The following CTTNBP2 variants were observed in gnomAD, a reference collection of about 807,000 sequenced individuals.
The protein encoded by CTTNBP2 is cortactin-binding protein 2.
A neutral mutation model predicts 156.9 loss-of-function variants in CTTNBP2; 108 were observed. The ratio of observed to expected loss-of-function variants is 0.69; its 90% CI spans 0.59 to 0.81. The LOEUF (loss-of-function observed/expected upper bound fraction) is 0.81, where lower values mean the gene tolerates loss of function less well. Among genes scored for constraint, CTTNBP2 ranks in the 30% least tolerant of loss-of-function variants. CTTNBP2 has a pLI of 0.00. For missense variants in CTTNBP2, 1,924 were observed against 2,035.4 expected, an observed-to-expected ratio of 0.95 and a Z score of 1.05; for synonymous variants, 767 against 751.8, an observed-to-expected ratio of 1.02 and a Z score of -0.33.
At chr7:117,743,901 G>T (rs565572621) in intron 14 of CTTNBP2, among the ~76,000 whole-genome samples, 28 of 151,810 alleles carry the variant, frequency 1.8e-4, no homozygotes, top group African/African-American at 6.5e-4. Flanking sequence ...GCCCAAGACT[G>T]GCCTGTGTAG....
intron 2 of CTTNBP2, among the ~76,000 whole-genome samples, chr7:117,818,259 A>T (rs781258154): frequency 2.6e-5 from 4 of 152,190 alleles, no homozygotes; most frequent in African/African-American, 4.8e-5. Context: ...ATGCTTTCAC[A>T]AACCACTGGT....
At position 117,853,955 on chromosome 7, in the gene CTTNBP2, G is replaced by T. The variant is rs1803094714; in HGVS notation, c.189+7254C>A. 2.0e-5 allele frequency among the ~76,000 whole-genome samples: 3 copies of T among 152,060 alleles called. No individual in the cohort carries two copies. The South Asian group carries it at 6.2e-4, about 32-fold the overall frequency. ...TTGCATGGTATTCTATTTTTTGTTT[G>T]TTTTTTACTAATGGTAAATGTTTAT... On this transcript the variant is annotated intron_variant, in intron 2 of 22. Coordinates refer to ENST00000160373, the MANE Select transcript of CTTNBP2 (RefSeq NM_033427.3).
chr7:117,740,367 C>T (rs1351191866), intron 14 of CTTNBP2, among the ~76,000 whole-genome samples: 2 of 151,956 alleles, frequency 1.3e-5, no homozygotes, highest in African/African-American at 4.8e-5. Context: ...GTGCCTGTTC[C>T]CTGGCTTTCT....
intron 2 of CTTNBP2, among the ~76,000 whole-genome samples, chr7:117,842,668 T>C (rs944000353): frequency 1.3e-5 from 2 of 151,860 alleles, no homozygotes; most frequent in Admixed American, 1.3e-4. Context: ...AAGAAGAAAA[T>C]AGAGATAGAA....
intron 8 of CTTNBP2, among the ~76,000 whole-genome samples, chr7:117,768,287 T>C (rs1797608519): frequency 6.6e-6 from 1 of 151,830 alleles, no homozygotes; most frequent in Admixed American, 6.6e-5. Context: ...TCTGGCTGGG[T>C]GTGGTGGCTC....
rs557297020 is a variant in CTTNBP2, at chr7:117,755,413, T to C, written c.3348+1142A>G. The C allele has an allele frequency of 3.4e-3, 1,134 of 329,028 alleles. 4 individuals carry two copies. The highest frequency in any genetic ancestry group is 5.5e-3 in the Non-Finnish European group (902 of 165,334). 20.4% of individuals were successfully genotyped at this position (329,028 alleles called of 1,614,324 possible). A position where few individuals can be genotyped will look rare whatever the true frequency, so the allele number is the denominator to read the frequency against. On this transcript the variant is annotated intron_variant, in intron 12 of 22. Coordinates refer to ENST00000160373, the MANE Select transcript of CTTNBP2 (RefSeq NM_033427.3). ...CCAACTCATTTATTTAAAAAGGTCA[T>C]CGAAATTAAGGCAGCAAGCAAAATT...
At chr7:117,869,051 G>A (rs1804401556) in intron 1 of CTTNBP2, among the ~76,000 whole-genome samples, 1 of 152,282 alleles carries the variant, frequency 6.6e-6, no homozygotes, top group African/African-American at 2.4e-5. Flanking sequence ...ATTATTGGAA[G>A]GATGCAGGAT....
intron 18 of CTTNBP2, 72 bp from the exon 19 acceptor site, chr7:117,724,804 A>T: frequency 6.6e-7 from 1 of 1,519,198 alleles, no homozygotes; most frequent in Non-Finnish European, 9.0e-7. Context: ...TCCGTTTCTC[A>T]AAGATACGGA....
At chr7:117,785,998 T>G (rs920336936) in intron 4 of CTTNBP2, among the ~76,000 whole-genome samples, 1 of 152,228 alleles carries the variant, frequency 6.6e-6, no homozygotes, top group Non-Finnish European at 1.5e-5. Flanking sequence ...GCATAATTAT[T>G]CTAAGCATAT....
Position 117,792,218 on chromosome 7 carries a change from C to A in CTTNBP2, c.978G>T (p.Met326Ile), listed in dbSNP as rs142978813. Residue 326 changes from methionine (M) to isoleucine (I), a missense_variant, in exon 4 of 23, where the codon ATG becomes ATT. Physicochemically the swap from Met to Ile is conservative, Grantham distance 10 (BLOSUM62 1). Transcript: ENST00000160373. The surrounding 1 kb of genome is among the most constrained non-coding windows in gnomAD (Gnocchi z 4.2). ...ADHMKKLPLT[M>I]PVKPSTGSPL... Reference sequence around the variant, plus strand: ...GACTCCCTGTGGAAGGTTTTACAGGCATGGTTAAAGGCAACTTTTTCATGT... The same window carrying A: ...GACTCCCTGTGGAAGGTTTTACAGGAATGGTTAAAGGCAACTTTTTCATGT... 3.7e-6 allele frequency: 6 copies of A among 1,614,078 alleles called. No homozygotes were observed. The highest frequency in any genetic ancestry group is 5.1e-6 in the Non-Finnish European group (6 of 1,180,050).
chr7:117,714,640 G>GA (rs1464706060), intron 22 of CTTNBP2, among the ~76,000 whole-genome samples: 1 of 152,168 alleles, frequency 6.6e-6, no homozygotes, highest in African/African-American at 2.4e-5. Flanking sequence ...ATATCCACAT[G>GA]AAATAAAGTA....
intron 21 of CTTNBP2, among the ~76,000 whole-genome samples, 153 bp downstream of exon 21, chr7:117,719,339 TGATATTTAGGAA>T (rs1468144794): frequency 6.6e-6 from 1 of 152,220 alleles, no homozygotes; most frequent in East Asian, 1.9e-4. Context: ...ATTGTATAAA[TGATATTTAGGAA>T]GAAACGGCCT....
intron 20 of CTTNBP2, among the ~76,000 whole-genome samples, chr7:117,720,159 G>A (rs1376613623): frequency 2.0e-5 from 3 of 151,616 alleles, no homozygotes; most frequent in East Asian, 1.9e-4. Flanking sequence ...AGAAAATAGC[G>A]TGCCATGCAG....
intron 3 of CTTNBP2, among the ~76,000 whole-genome samples, chr7:117,804,880 G>A (rs2116933891): frequency 6.6e-6 from 1 of 152,276 alleles, no homozygotes; most frequent in East Asian, 1.9e-4. Context: ...GTTTACCTAT[G>A]TGACAAACCT....
chr7:117,868,318 T>C (rs1374291162), intron 1 of CTTNBP2, among the ~76,000 whole-genome samples: 1 of 152,230 alleles, frequency 6.6e-6, no homozygotes, highest in African/African-American at 2.4e-5. Flanking sequence ...ACGCAGGCCT[T>C]TGGAACCATC....
intron 7 of CTTNBP2, 103 bp from the exon 8 acceptor site, chr7:117,777,868 G>A (rs759989650): frequency 1.7e-5 from 20 of 1,159,518 alleles, no homozygotes; most frequent in Middle Eastern, 4.5e-4. Context: ...ATGGACCACT[G>A]AGCTGGGAAA....
intron 4 of CTTNBP2, among the ~76,000 whole-genome samples, chr7:117,788,624 T>C (rs915170338): frequency 1.3e-5 from 2 of 152,078 alleles, no homozygotes; most frequent in Non-Finnish European, 2.9e-5. Flanking sequence ...GTGGCGAAAA[T>C]AGGGGCAATC....
intron 3 of CTTNBP2, among the ~76,000 whole-genome samples, chr7:117,793,777 G>C (rs1297523609): frequency 6.6e-6 from 1 of 152,166 alleles, no homozygotes; most frequent in Non-Finnish European, 1.5e-5. Context: ...TTTTCTAACT[G>C]ATCAGCCTAG....
intron 14 of CTTNBP2, among the ~76,000 whole-genome samples, chr7:117,739,891 C>A (rs1225904388): frequency 6.6e-6 from 1 of 152,204 alleles, no homozygotes; most frequent in Admixed American, 6.5e-5. Context: ...ACCCTATCCT[C>A]ATTACTTTTA....
Sources: allele counts gnomAD v4.1 joint callset (sites outside exome capture counted in the v4.1 genomes callset), GRCh38; gene constraint gnomAD v4.1.1; non-coding constraint Gnocchi (gnomAD v3.1); transcripts MANE v1.5; gene names NCBI Gene and HGNC (gene_info 2026-07-23, HGNC 2026-07-21).